FRMD4A: variants seen among roughly 807,000 people sequenced by gnomAD.
The protein encoded by FRMD4A is FERM domain containing 4A.
In FRMD4A, 29 loss-of-function variants were observed where a neutral mutation model predicts 129.1. The ratio of observed to expected loss-of-function variants is 0.22; its 90% CI spans 0.17 to 0.31. The LOEUF is 0.31. FRMD4A is among the 10% of genes least tolerant of loss of function. FRMD4A has a pLI of 1.00. For synonymous variants in FRMD4A, 634 were observed against 571.6 expected, an observed-to-expected ratio of 1.11 and a Z score of -1.56; for missense variants, 1,272 against 1,375.8, an observed-to-expected ratio of 0.92 and a Z score of 1.19.
intron 2 of FRMD4A, among the ~76,000 whole-genome samples, chr10:14,237,589 C>A (rs1843872888): frequency 6.6e-6 from 1 of 152,156 alleles, no homozygotes; most frequent in Admixed American, 6.5e-5. Context: ...CCTTGGACTC[C>A]AAAAGTGCTC....
chr10:13,925,530 A>G (rs1370762258), intron 2 of FRMD4A, among the ~76,000 whole-genome samples: 2 of 131,332 alleles, frequency 1.5e-5, no homozygotes, highest in Admixed American at 8.1e-5. Context: ...GTGTAACAAT[A>G]TCGGGCCCAG....
At chr10:13,996,631 G>T (rs1280025490) in intron 2 of FRMD4A, among the ~76,000 whole-genome samples, 1 of 152,082 alleles carries the variant, frequency 6.6e-6, no homozygotes, top group Non-Finnish European at 1.5e-5. Flanking sequence ...ATGTAACTGG[G>T]TGAATCCCAC....
chr10:13,994,013 CTTTT>C (rs551387633), intron 2 of FRMD4A, among the ~76,000 whole-genome samples: 16 of 134,586 alleles, frequency 1.2e-4, no homozygotes, highest in African/African-American at 3.8e-4. Context: ...TGGGACAGTC[CTTTT>C]TTTTTTTTTT....
At chr10:14,081,055 A>G (rs1564271362) in intron 2 of FRMD4A, among the ~76,000 whole-genome samples, 1 of 152,144 alleles carries the variant, frequency 6.6e-6, no homozygotes. Flanking sequence ...GGTTGTAATA[A>G]TAGCCCATAA....
chr10:14,261,941 A>AACACACACACACACAC (rs55763234), intron 2 of FRMD4A, among the ~76,000 whole-genome samples: 33 of 128,318 alleles, frequency 2.6e-4, no homozygotes, highest in East Asian at 9.4e-4. Context: ...CACCACACCA[A>AACACACACACACACAC]ACACACACAC....
intron 2 of FRMD4A, among the ~76,000 whole-genome samples, chr10:14,072,369 C>G (rs1483974856): frequency 6.6e-6 from 1 of 152,206 alleles, no homozygotes; most frequent in Non-Finnish European, 1.5e-5. Flanking sequence ...ACAACCGTGG[C>G]TATACCATTT....
intron 2 of FRMD4A, among the ~76,000 whole-genome samples, chr10:14,220,454 CCT>C (rs1453834214): frequency 6.6e-6 from 1 of 152,190 alleles, no homozygotes; most frequent in East Asian, 1.9e-4. Flanking sequence ...TAGTCAATCC[CCT>C]CCATGCCCCA....
At chr10:14,051,599 C>T (rs1371512998) in intron 2 of FRMD4A, among the ~76,000 whole-genome samples, 1 of 152,230 alleles carries the variant, frequency 6.6e-6, no homozygotes, top group Non-Finnish European at 1.5e-5. Context: ...CCTGAAACCT[C>T]CATGGTTGAC....
chr10:14,274,049 T>C (rs920016057), intron 2 of FRMD4A, among the ~76,000 whole-genome samples: 1 of 152,036 alleles, frequency 6.6e-6, no homozygotes, highest in Non-Finnish European at 1.5e-5. Flanking sequence ...CTCAATTCCA[T>C]GGAGAAAATA....
intron 2 of FRMD4A, chr10:13,890,425 T>A: frequency 1.6e-6 from 1 of 625,556 alleles, no homozygotes; most frequent in Non-Finnish European, 2.0e-6. Context: ...TCCCGGGCTC[T>A]CTGAGCGGTG....
intron 5 of FRMD4A, among the ~76,000 whole-genome samples, chr10:13,792,216 A>G (rs1021670290): frequency 6.6e-6 from 1 of 152,190 alleles, no homozygotes; most frequent in African/African-American, 2.4e-5. Context: ...CTTGTCCTGA[A>G]CACCATCTTT....
intron 2 of FRMD4A, among the ~76,000 whole-genome samples, chr10:13,880,204 G>A (rs769869960): frequency 1.2e-4 from 18 of 151,950 alleles, no homozygotes; most frequent in Non-Finnish European, 2.1e-4. Flanking sequence ...AGTCCCAGAC[G>A]GAATTCCTGA....
chr10:14,023,383 C>G (rs1039434538), intron 2 of FRMD4A, among the ~76,000 whole-genome samples: 1 of 152,052 alleles, frequency 6.6e-6, no homozygotes. Context: ...CACACCATTC[C>G]CTGAAAGGTT....
intron 15 of FRMD4A, among the ~76,000 whole-genome samples, chr10:13,688,287 A>T (rs4750397): frequency 1.1e-4 from 16 of 151,890 alleles, no homozygotes; most frequent in African/African-American, 2.4e-5. Context: ...GGCAAACTAT[A>T]GCAAGCACAA....
At chr10:14,221,085 G>C (rs906122479) in intron 2 of FRMD4A, among the ~76,000 whole-genome samples, 2 of 152,156 alleles carry the variant, frequency 1.3e-5, no homozygotes, top group African/African-American at 4.8e-5. Context: ...AATAAACATG[G>C]AGAACATGCA....
chr10:14,241,467 G>C (rs572711250), intron 2 of FRMD4A, among the ~76,000 whole-genome samples: 3 of 152,046 alleles, frequency 2.0e-5, no homozygotes, highest in Admixed American at 6.5e-5. Flanking sequence ...ATTTCCATTT[G>C]GCATGAAAGA....
At chr10:14,204,800 GAGA>G (rs1481706866) in intron 2 of FRMD4A, among the ~76,000 whole-genome samples, 1 of 152,114 alleles carries the variant, frequency 6.6e-6, no homozygotes. Flanking sequence ...GAGAGAAATC[GAGA>G]AGATTAAGCA....
chr10:14,239,798 G>A (rs781178105), intron 2 of FRMD4A, among the ~76,000 whole-genome samples: 20 of 152,222 alleles, frequency 1.3e-4, no homozygotes, highest in Non-Finnish European at 2.8e-4. Flanking sequence ...AGAGAGAAAA[G>A]AAAAGATGCT....
intron 2 of FRMD4A, among the ~76,000 whole-genome samples, chr10:13,927,873 G>T (rs935972252): frequency 2.0e-5 from 3 of 152,134 alleles, no homozygotes; most frequent in African/African-American, 7.2e-5. Flanking sequence ...AAATGTAACA[G>T]ATTTTTTTCC....
Sources: allele counts gnomAD v4.1 joint callset (sites outside exome capture counted in the v4.1 genomes callset), GRCh38; gene constraint gnomAD v4.1.1; transcripts MANE v1.5; gene names NCBI Gene and HGNC (gene_info 2026-07-23, HGNC 2026-07-21).